CPAP: variants seen among roughly 807,000 people sequenced by gnomAD.
The protein encoded by CPAP is centrosome assembly and centriole elongation protein.
the CPAP span, among the ~76,000 whole-genome samples, chr13:24,930,983 T>C: frequency 2.0e-5 from 3 of 152,190 alleles, no homozygotes; most frequent in South Asian, 4.1e-4. Flanking sequence ...ATGTTGTTCC[T>C]TGACTTTTTA....
the CPAP span, chr13:24,889,132 A>G: frequency 6.5e-6 from 4 of 613,592 alleles, no homozygotes; most frequent in South Asian, 1.9e-5. Context: ...AGCATGGACC[A>G]TTATCAGGGT....
At chr13:24,903,374 A>G in the CPAP span, among the ~76,000 whole-genome samples, 1 of 152,184 alleles carries the variant, frequency 6.6e-6, no homozygotes, top group Non-Finnish European at 1.5e-5. Flanking sequence ...ACCAAGACAA[A>G]CACACACAGA....
chr13:24,901,477 G>A, the CPAP span, among the ~76,000 whole-genome samples: 1 of 152,114 alleles, frequency 6.6e-6, no homozygotes. Flanking sequence ...CTGGGGCAAT[G>A]GACATTCTTA....
the CPAP span, chr13:24,912,572 C>A: frequency 1.2e-6 from 2 of 1,608,080 alleles, no homozygotes; most frequent in South Asian, 1.1e-5. Flanking sequence ...TAGGCCAAAT[C>A]CTATTGTACC....
chr13:24,902,173 A>G, the CPAP span, among the ~76,000 whole-genome samples: 2 of 152,264 alleles, frequency 1.3e-5, no homozygotes, highest in South Asian at 4.1e-4. Context: ...AGGATAACAC[A>G]ATGTCTAAAT....
chr13:24,905,322 A>G, the CPAP span: 3 of 1,603,192 alleles, frequency 1.9e-6, no homozygotes, highest in South Asian at 1.1e-5. Context: ...ATTCTGATAC[A>G]TATTTTATAA....
At chr13:24,923,666 G>A in the CPAP span, among the ~76,000 whole-genome samples, 1 of 152,152 alleles carries the variant, frequency 6.6e-6, no homozygotes, top group East Asian at 1.9e-4. Flanking sequence ...CAAATGAAGT[G>A]CCATTTATAA....
the CPAP span, among the ~76,000 whole-genome samples, chr13:24,893,435 C>T: frequency 3.3e-5 from 5 of 152,212 alleles, no homozygotes; most frequent in South Asian, 6.2e-4. Flanking sequence ...GACCTAGAGT[C>T]GAGGAAGGAG....
At chr13:24,891,615 G>C in the CPAP span, among the ~76,000 whole-genome samples, 11 of 151,838 alleles carry the variant, frequency 7.2e-5, no homozygotes, top group African/African-American at 2.4e-4. Context: ...CTCTCCACCC[G>C]CCACTGCCAC....
the CPAP span, among the ~76,000 whole-genome samples, chr13:24,889,708 TG>T: frequency 2.8e-4 from 42 of 152,234 alleles, no homozygotes; most frequent in Non-Finnish European, 4.7e-4. Context: ...CTTCAGCTCA[TG>T]GTGTTCGAGA....
chr13:24,919,938 T>G, the CPAP span, among the ~76,000 whole-genome samples: 1 of 151,806 alleles, frequency 6.6e-6, no homozygotes, highest in Non-Finnish European at 1.5e-5. Context: ...TTATTTTTTA[T>G]TTTTTAATTT....
At chr13:24,910,061 C>T in the CPAP span, 5 of 1,613,256 alleles carry the variant, frequency 3.1e-6, no homozygotes, top group South Asian at 5.5e-5. Flanking sequence ...GCTTCTGGCT[C>T]TGATCATCAG....
the CPAP span, among the ~76,000 whole-genome samples, chr13:24,901,820 CG>C: frequency 2.0e-5 from 3 of 152,052 alleles, no homozygotes; most frequent in African/African-American, 7.2e-5. Flanking sequence ...GGCAAAACCC[CG>C]TATCTACCAA....
chr13:24,906,215 CA>C, the CPAP span: 1 of 1,611,828 alleles, frequency 6.2e-7, no homozygotes, highest in African/African-American at 1.3e-5. Flanking sequence ...GTGACCTTTG[CA>C]GATCTGTTGA....
At chr13:24,928,665 G>A in the CPAP span, among the ~76,000 whole-genome samples, 2 of 152,116 alleles carry the variant, frequency 1.3e-5, no homozygotes, top group Non-Finnish European at 1.5e-5. Context: ...CCTGACCTCA[G>A]GTGATCTGCC....
At chr13:24,889,012 A>G in the CPAP span, among the ~76,000 whole-genome samples, 3 of 152,182 alleles carry the variant, frequency 2.0e-5, no homozygotes, top group South Asian at 4.1e-4. Context: ...AAATGCTCCA[A>G]TGAATGTTTC....
At chr13:24,909,553 A>C in the CPAP span, among the ~76,000 whole-genome samples, 1 of 150,004 alleles carries the variant, frequency 6.7e-6, no homozygotes, top group Non-Finnish European at 1.5e-5. Flanking sequence ...CACAGGGGAC[A>C]AAAAAAAATA....
the CPAP span, among the ~76,000 whole-genome samples, chr13:24,923,102 G>C: frequency 2.6e-5 from 4 of 152,328 alleles, no homozygotes; most frequent in Non-Finnish European, 5.9e-5. Flanking sequence ...GGTGGACGTC[G>C]CCCCAGGCTC....
the CPAP span, among the ~76,000 whole-genome samples, chr13:24,893,496 T>C: frequency 5.3e-3 from 809 of 152,344 alleles, 22 homozygotes; most frequent in East Asian, 0.081. Flanking sequence ...GCCCGGCCCA[T>C]GCCCCTGCAC....
Sources: allele counts gnomAD v4.1 joint callset (sites outside exome capture counted in the v4.1 genomes callset), GRCh38; gene constraint gnomAD v4.1.1; transcripts MANE v1.5; gene names NCBI Gene and HGNC (gene_info 2026-07-23, HGNC 2026-07-21).